Variants in PIK3C3 observed in about 807,000 individuals in gnomAD.
PIK3C3 encodes PI3-kinase type 3.
A neutral mutation model predicts 126.1 loss-of-function variants in PIK3C3; 95 were observed. The observed-to-expected ratio is 0.75, with a 90% CI of 0.64 to 0.89. The LOEUF (loss-of-function observed/expected upper bound fraction) is 0.89. Ranked by LOEUF, PIK3C3 falls within the 40% of genes least tolerant of loss-of-function variation. PIK3C3 has a pLI of 0.00. For missense variants in PIK3C3, 829 were observed against 1,063.2 expected, an observed-to-expected ratio of 0.78 and a Z score of 3.06; for synonymous variants, 374 against 360.0, an observed-to-expected ratio of 1.04 and a Z score of -0.44.
intron 10 of PIK3C3, 79 bp downstream of exon 10, chr18:42,004,620 T>TGTGAGA (rs1982453849): frequency 1.8e-6 from 2 of 1,116,040 alleles, no homozygotes; most frequent in Non-Finnish European, 2.5e-6. Flanking sequence ...TGTATGTGTG[T>TGTGAGA]GTGAGAGTGA....
chr18:42,023,627 T>G (rs1983426456), intron 13 of PIK3C3, among the ~76,000 whole-genome samples: 1 of 152,204 alleles, frequency 6.6e-6, no homozygotes, highest in Non-Finnish European at 1.5e-5. Context: ...GAAAAGCTAT[T>G]GATGTGTGGA....
intron 12 of PIK3C3, among the ~76,000 whole-genome samples, chr18:42,016,949 A>G (rs919532201): frequency 1.3e-5 from 2 of 152,240 alleles, no homozygotes; most frequent in African/African-American, 2.4e-5. Context: ...CCATCACTCA[A>G]AATGTTTAGG....
rs747477819 is a variant in PIK3C3, at chr18:42,004,541, G to A, written c.1170G>A (p.Glu390=). The change falls in exon 10 of 25, where the codon GAG becomes GAA. Residue 390 remains glutamate, a splice_region_variant and synonymous_variant. Coordinates refer to ENST00000262039, the MANE Select transcript of PIK3C3 (RefSeq NM_002647.4). ...AVARLRQADD[E]DLLMYLLQLV... Reference sequence around the variant, plus strand: ...CCCGGTTGCGACAGGCCGATGATGAGGTGCATTATTATTTATTATTCTGCT... The same window carrying A: ...CCCGGTTGCGACAGGCCGATGATGAAGTGCATTATTATTTATTATTCTGCT... The A allele has an allele frequency of 1.3e-6, 2 of 1,581,488 alleles. No homozygotes were observed. The highest frequency in any genetic ancestry group is 1.7e-6 in the Non-Finnish European group (2 of 1,169,984).
At chr18:42,040,818 TA>T in intron 19 of PIK3C3, 77 bp downstream of exon 19, 1 of 952,650 alleles carries the variant, frequency 1.0e-6, no homozygotes, top group Non-Finnish European at 1.6e-6. Context: ...AACATAGAGT[TA>T]AAAATGAAAG....
chr18:42,076,120 ATG>A (rs1568013565), intron 24 of PIK3C3, among the ~76,000 whole-genome samples: 2 of 57,288 alleles, frequency 3.5e-5, no homozygotes, highest in Non-Finnish European at 6.6e-5. Flanking sequence ...ATATATATAT[ATG>A]CGCATATATA....
In PIK3C3 at chr18:42,074,092, G is replaced by A. The variant is rs145504382; in HGVS notation, c.2649+6579G>A. Among the ~76,000 whole-genome samples the A allele has an allele frequency of 6.2e-3, 947 of 152,184 alleles. 8 individuals are homozygous for A. Among genetic ancestry groups the A allele is most frequent in the Non-Finnish European group, 0.011 (776 of 67,966 alleles). On this transcript the variant is annotated intron_variant, in intron 24 of 24. Coordinates refer to ENST00000262039, the MANE Select transcript of PIK3C3 (RefSeq NM_002647.4). ...AAAGTCGCTCTTTCCTGGGTCAGTG[G>A]AATTTTGTTTTTGTTTTTAAGCTTT...
intron 4 of PIK3C3, among the ~76,000 whole-genome samples, chr18:41,978,072 C>G (rs568203763): frequency 6.6e-6 from 1 of 152,144 alleles, no homozygotes; most frequent in African/African-American, 2.4e-5. Context: ...AGTGATCCTC[C>G]CACATCCTCT....
At chr18:42,056,288 T>G (rs1290840157) in intron 21 of PIK3C3, among the ~76,000 whole-genome samples, 5 of 152,152 alleles carry the variant, frequency 3.3e-5, no homozygotes, top group African/African-American at 1.2e-4. Flanking sequence ...TTTTACACCT[T>G]TTAATTAAGT....
intron 21 of PIK3C3, 85 bp downstream of exon 21, chr18:42,049,690 G>A: frequency 2.8e-6 from 3 of 1,088,464 alleles, no homozygotes; most frequent in East Asian, 2.4e-5. Flanking sequence ...AAGATAAGTT[G>A]CGGCCTGGCG....
chr18:42,032,510 A>G (rs1270034895), intron 15 of PIK3C3, among the ~76,000 whole-genome samples: 1 of 152,110 alleles, frequency 6.6e-6, no homozygotes, highest in Non-Finnish European at 1.5e-5. Context: ...TCAGGAGGCT[A>G]TTGCAGTAAT....
chr18:42,058,013 C>A lies in PIK3C3; in HGVS notation c.2394C>A (p.Phe798Leu). ...CACAGAGTGAGCAGTACCAAGAGTT[C>A]CGTAAACAGTGTTACACGGCTTTCC... ...GGTQSEQYQE[F>L]RKQCYTAFLH... The change falls in exon 22 of 25, where the codon TTC (phenylalanine) becomes TTA (leucine). Residue 798 changes from phenylalanine to leucine, a missense_variant. Phe to Leu is a conservative substitution (Grantham distance 22). Transcript: ENST00000262039. The A allele has an allele frequency of 6.2e-7, 1 of 1,610,828 alleles. No individual in the cohort carries two copies. The highest frequency in any genetic ancestry group is 8.5e-7 in the Non-Finnish European group (1 of 1,178,710).
intron 13 of PIK3C3, 98 bp downstream of exon 13, chr18:42,020,803 C>A: frequency 1.4e-6 from 1 of 692,522 alleles, no homozygotes; most frequent in African/African-American, 1.8e-5. Context: ...AAGATATGAG[C>A]AATCATCAAA....
chr18:42,071,906 A>G (rs1031698049), intron 24 of PIK3C3, among the ~76,000 whole-genome samples: 13 of 152,264 alleles, frequency 8.5e-5, no homozygotes, highest in Middle Eastern at 3.4e-3. Flanking sequence ...AGGGTTACCT[A>G]TGGATGTTTA....
chr18:42,020,111 T>G (rs1214051350), intron 12 of PIK3C3, among the ~76,000 whole-genome samples: 1 of 152,146 alleles, frequency 6.6e-6, no homozygotes, highest in African/African-American at 2.4e-5. Context: ...CATCTCACTC[T>G]CCTCTTAAGA....
At chr18:42,004,622 TGA>T (rs1376518887) in intron 10 of PIK3C3, 81 bp downstream of exon 10, 14 of 1,063,402 alleles carry the variant, frequency 1.3e-5, no homozygotes, top group Non-Finnish European at 1.6e-5. Flanking sequence ...TATGTGTGTG[TGA>T]GAGTGAGAGA....
intron 4 of PIK3C3, among the ~76,000 whole-genome samples, chr18:41,975,516 G>A (rs1980873375): frequency 6.6e-6 from 1 of 152,072 alleles, no homozygotes; most frequent in South Asian, 2.1e-4. Flanking sequence ...CAAATTTGTG[G>A]TGGGTGAGTA....
intron 10 of PIK3C3, among the ~76,000 whole-genome samples, chr18:42,011,625 G>C (rs563639479): frequency 6.6e-6 from 1 of 152,114 alleles, no homozygotes; most frequent in Non-Finnish European, 1.5e-5. Flanking sequence ...TTTCATTTGT[G>C]GTTCCCTGGA....
intron 3 of PIK3C3, among the ~76,000 whole-genome samples, chr18:41,969,944 A>G (rs371304127): frequency 6.6e-6 from 1 of 152,210 alleles, no homozygotes; most frequent in East Asian, 1.9e-4. Flanking sequence ...CAGTTATGTA[A>G]TTATTTAAAT....
chr18:42,022,800 A>G (rs1417765345), intron 13 of PIK3C3, among the ~76,000 whole-genome samples: 1 of 152,140 alleles, frequency 6.6e-6, no homozygotes, highest in Non-Finnish European at 1.5e-5. Context: ...CTAATTGTTA[A>G]TCACTATTCT....
Sources: gnomAD v4.1 joint callset for allele counts (sites outside exome capture counted in the v4.1 genomes callset) on GRCh38, gnomAD v4.1.1 for gene constraint, MANE v1.5 for transcripts, NCBI Gene and HGNC (gene_info 2026-07-23, HGNC 2026-07-21) for gene names.